The following HMGCS1 variants were observed in gnomAD, a reference collection of about 807,000 sequenced individuals.
The protein encoded by HMGCS1 is 3-hydroxy-3-methylglutaryl-CoA synthase 1, also known as hydroxymethylglutaryl-CoA synthase, cytoplasmic.
In HMGCS1, 9 loss-of-function variants were observed where a neutral mutation model predicts 52.3. That is an observed-to-expected ratio of 0.17 (90% CI 0.10 to 0.30). The LOEUF is 0.30. Among genes scored for constraint, HMGCS1 ranks in the 10% least tolerant of loss-of-function variants. HMGCS1 has a pLI of 1.00. For missense variants in HMGCS1, 320 were observed against 620.9 expected (o/e 0.52, Z 5.15); for synonymous variants, 176 against 214.4 (o/e 0.82, Z 1.57).
At chr5:43,293,008 T>C in intron 8 of HMGCS1, 35 bp from the exon 9 acceptor site, 1 of 1,545,048 alleles carries the variant, frequency 6.5e-7, no homozygotes, top group Non-Finnish European at 8.7e-7. Context: ...TAAAAGATTT[T>C]TTTGAAAAAT....
rs1267608098 is a variant in HMGCS1 at position 43,288,835 on chromosome 5, C to T, written c.*2296G>A. 1 of 152,078 alleles carries T rather than the reference C, an allele frequency of 6.6e-6. No homozygotes were observed. The highest frequency in any genetic ancestry group is 1.5e-5 in the Non-Finnish European group (1 of 68,008). The allele number at this position is 152,078 out of a possible 1,614,324, so 9.4% of individuals were successfully genotyped here. On this transcript the variant is annotated 3_prime_UTR_variant, in exon 11 of 11. Coordinates refer to ENST00000325110, the MANE Select transcript of HMGCS1 (RefSeq NM_001098272.3). ...ATATAATTTGGTTTATTTCCTAATT[C>T]ATAGAATCCTAAGACTTGATGGTGC...
At chr5:43,312,724 G>A (rs181896483) in intron 1 of HMGCS1, among the ~76,000 whole-genome samples, 135 of 152,274 alleles carry the variant, frequency 8.9e-4, no homozygotes, top group Middle Eastern at 6.8e-3. Context: ...AGGAAGGCGG[G>A]AGGCAGTGAT....
intron 6 of HMGCS1, among the ~76,000 whole-genome samples, chr5:43,295,469 G>A (rs747934706): frequency 2.0e-4 from 30 of 152,204 alleles, no homozygotes; most frequent in Non-Finnish European, 3.8e-4. Context: ...AGAGGCTGCT[G>A]TAGTGAATAT....
At chr5:43,293,968 G>C in intron 8 of HMGCS1, 88 bp downstream of exon 8, 1 of 838,826 alleles carries the variant, frequency 1.2e-6, no homozygotes, top group Non-Finnish European at 2.0e-6. Context: ...GCCCGCCTCG[G>C]CCTCCCAAAC....
intron 6 of HMGCS1, among the ~76,000 whole-genome samples, chr5:43,295,302 A>ATTTTAT (rs1753976039): frequency 6.6e-6 from 1 of 152,212 alleles, no homozygotes. Flanking sequence ...CACACAAGAG[A>ATTTTAT]CACAGGGAGA....
rs1223756523 is a variant in HMGCS1 at position 43,295,935 on chromosome 5, G to C, written c.740-18C>G. The C allele has an allele frequency of 1.3e-6, 2 of 1,590,556 alleles. No homozygotes were observed. Among genetic ancestry groups the C allele is most frequent in the South Asian group, 2.2e-5 (2 of 89,534 alleles). The stretch of plus-strand genomic sequence containing the variant: ...ATTTCCCTCTGAAAGAGAAGTCCAA[G>C]GAAACTATGAAATTCATATAAGCCA... On this transcript the variant is annotated intron_variant, in intron 5 of 10. Transcript: ENST00000325110.
intron 2 of HMGCS1, among the ~76,000 whole-genome samples, chr5:43,304,271 T>C (rs1754456931): frequency 6.6e-6 from 1 of 152,372 alleles, no homozygotes; most frequent in Non-Finnish European, 1.5e-5. Flanking sequence ...ACCCTTTAGA[T>C]TCTTTTCAAC....
intron 9 of HMGCS1, 104 bp from the exon 10 acceptor site, chr5:43,292,741 T>C: frequency 6.7e-7 from 1 of 1,496,694 alleles, no homozygotes. Flanking sequence ...TTCACTGACA[T>C]CAGATTAGTA....
chr5:43,311,652 T>C (rs1382864748), intron 1 of HMGCS1, among the ~76,000 whole-genome samples: 14 of 152,214 alleles, frequency 9.2e-5, no homozygotes. Context: ...TTTGCGTTTA[T>C]TTCTTCTGAG....
At chr5:43,300,342 T>C (rs1040163644) in intron 2 of HMGCS1, among the ~76,000 whole-genome samples, 1 of 152,206 alleles carries the variant, frequency 6.6e-6, no homozygotes, top group Non-Finnish European at 1.5e-5. Flanking sequence ...CAGAATTTCA[T>C]TGACCCAAAG....
rs1414339885 is a variant in HMGCS1 at position 43,296,979 on chromosome 5, C to A, written c.739+23G>T. On this transcript the variant is annotated intron_variant, in intron 5 of 10. Coordinates refer to ENST00000325110, the MANE Select transcript of HMGCS1 (RefSeq NM_001098272.3). The stretch of plus-strand genomic sequence containing the variant: ...GACTGCTCTCAACTCATACCAAAAC[C>A]AAGGAAAATGGGTAAAACTTACCTT... 5 of 1,609,924 alleles carry A rather than the reference C, an allele frequency of 3.1e-6. No homozygotes were observed. The Admixed American group carries it at 8.4e-5, about 27-fold the overall frequency.
At chr5:43,293,983 G>C (rs1031336433) in intron 8 of HMGCS1, 73 bp downstream of exon 8, 31 of 989,752 alleles carry the variant, frequency 3.1e-5, no homozygotes, top group Non-Finnish European at 1.6e-6. Context: ...CCAAACTGCT[G>C]GGATTACGGG....
chr5:43,287,900 G>A lies in HMGCS1; in HGVS notation c.*3231C>T, dbSNP rs1335208529. ...CAGCAGTGACTGGAGTAGAAGGCAG[G>A]GCAGAGAAGATCTGAAGTGGGGCCC... On this transcript the variant is annotated 3_prime_UTR_variant, in exon 11 of 11. Transcript: ENST00000325110. 1 of 152,304 alleles carries A rather than the reference G, an allele frequency of 6.6e-6. No homozygotes were observed. 9.4% of individuals were successfully genotyped at this position (152,304 alleles called of 1,614,324 possible). A position where few individuals can be genotyped will look rare whatever the true frequency, so the allele number is the denominator to read the frequency against.
At chr5:43,312,764 G>T (rs1754935692) in intron 1 of HMGCS1, among the ~76,000 whole-genome samples, 1 of 152,150 alleles carries the variant, frequency 6.6e-6, no homozygotes, top group South Asian at 2.1e-4. Flanking sequence ...TACAGACTGA[G>T]CCCCAGTACT....
chr5:43,297,586 A>G (rs910444179), intron 4 of HMGCS1, among the ~76,000 whole-genome samples: 1 of 152,226 alleles, frequency 6.6e-6, no homozygotes, highest in African/African-American at 2.4e-5. Flanking sequence ...TACGCCTGTA[A>G]TCCCAGCACT....
intron 7 of HMGCS1, 174 bp downstream of exon 7, chr5:43,294,517 A>C (rs1418898241): frequency 1.9e-6 from 1 of 514,422 alleles, no homozygotes; most frequent in Non-Finnish European, 3.4e-6. Context: ...CTTCTGGAAG[A>C]ACTGTAGCCT....
At chr5:43,299,733 T>C (rs936450940) in intron 2 of HMGCS1, among the ~76,000 whole-genome samples, 3 of 151,712 alleles carry the variant, frequency 2.0e-5, no homozygotes, top group Non-Finnish European at 4.4e-5. Flanking sequence ...CAGTCCTCTT[T>C]TAAAAAAGGG....
At position 43,295,917 on chromosome 5, in the gene HMGCS1, T is replaced by C. The variant is rs1268700922; in HGVS notation, c.740A>G (p.Glu247Gly). ...CAAGGTAAAATCTTTATCATTTCCC[T>C]CTGAAAGAGAAGTCCAAGGAAACTA... is the stretch of plus-strand genomic sequence containing the variant. ...CKKIHAQWQK[E>G]GNDKDFTLND... Residue 247 changes from glutamate (E) to glycine (G), a missense_variant and splice_region_variant, in exon 6 of 11, where the codon GAG (glutamate) becomes GGG (glycine). Around this residue, in one of 3 missense-constraint regions of HMGCS1, gnomAD observed 213 missense variants for 337.4 expected, o/e 0.63. Transcript: ENST00000325110. 8.7e-6 allele frequency: 14 copies of C among 1,608,332 alleles called. No individual in the cohort carries two copies. The highest frequency in any genetic ancestry group is 1.2e-5 in the Non-Finnish European group (14 of 1,176,020).
Position 43,304,609 on chromosome 5 carries a change from A to T in HMGCS1, c.-11+3157T>A, listed in dbSNP as rs181223706. On this transcript the variant is annotated intron_variant, in intron 2 of 10. Coordinates refer to ENST00000325110, the MANE Select transcript of HMGCS1 (RefSeq NM_001098272.3). ...AATTCTTTGTATTATAGTACTCCTA[A>T]AATAAGATACAACTCTATGACTCCT... is the stretch of plus-strand genomic sequence containing the variant. Among the ~76,000 whole-genome samples the T allele has an allele frequency of 1.5e-4, 23 of 152,376 alleles. No homozygotes were observed. In the East Asian group the frequency reaches 3.5e-3, roughly 23 times the overall value.
Sources: gnomAD v4.1 joint callset for allele counts (sites outside exome capture counted in the v4.1 genomes callset) on GRCh38, gnomAD v4.1.1 for gene constraint, gnomAD v4.1.1 regional missense constraint, MANE v1.5 for transcripts, NCBI Gene and HGNC (gene_info 2026-07-23, HGNC 2026-07-21) for gene names.